COG3: variants seen among roughly 807,000 people sequenced by gnomAD.
COG3 encodes component of oligomeric golgi complex 3.
COG3 carries 32 observed loss-of-function variants against 114.1 expected under a neutral mutation model. The observed-to-expected ratio is 0.28, with a 90% CI of 0.21 to 0.38. The LOEUF (loss-of-function observed/expected upper bound fraction) is 0.38. Among genes scored for constraint, COG3 ranks in the 10% least tolerant of loss-of-function variants. The pLI is 1.00. For synonymous variants in COG3, 352 were observed against 365.7 expected, an observed-to-expected ratio of 0.96 and a Z score of 0.43; for missense variants, 813 against 973.2, an observed-to-expected ratio of 0.84 and a Z score of 2.19.
chr13:45,532,930 A>C (rs1165897073), intron 22 of COG3, among the ~76,000 whole-genome samples: 1 of 151,804 alleles, frequency 6.6e-6, no homozygotes, highest in Non-Finnish European at 1.5e-5. Flanking sequence ...TCATGGGGGA[A>C]GATCTACAAG....
chr13:45,525,115 C>A, intron 20 of COG3, 64 bp downstream of exon 20: 1 of 1,318,652 alleles, frequency 7.6e-7, no homozygotes, highest in South Asian at 1.2e-5. Context: ...TTTATATAGT[C>A]CTTACTGTGA....
intron 2 of COG3, among the ~76,000 whole-genome samples, chr13:45,478,478 CT>C (rs1056369964): frequency 1.4e-3 from 197 of 139,560 alleles, no homozygotes; most frequent in Non-Finnish European, 1.5e-3. Context: ...CGCGCCCAGC[CT>C]TTTTTTTTTT....
chr13:45,533,428 A>G (rs1297563315), intron 22 of COG3, among the ~76,000 whole-genome samples: 1 of 151,734 alleles, frequency 6.6e-6, no homozygotes. Context: ...CATTTTTCTC[A>G]TTTTTTCCCT....
rs1871519359 is a variant in COG3, at chr13:45,516,160, ACTTTT to A, written c.1831_1835del (p.Phe611AsnfsTer2). On this transcript the variant is annotated frameshift_variant, in exon 17 of 23. Coordinates refer to ENST00000349995, the MANE Select transcript of COG3 (RefSeq NM_031431.4). LOFTEE classifies it high-confidence loss of function. ...TAATTTAGACTCAGATTGATGGACA[ACTTTT>A]CTTAATTAAGCACCTTTTGATACTT... 3.2e-6 allele frequency: 5 copies of A among 1,574,378 alleles called. No individual in the cohort carries two copies. The highest frequency in any genetic ancestry group is 4.3e-6 in the Non-Finnish European group (5 of 1,153,136).
intron 8 of COG3, among the ~76,000 whole-genome samples, chr13:45,488,025 CAAT>C (rs1224700847): frequency 6.6e-6 from 1 of 152,082 alleles, no homozygotes. Context: ...TATATATAAA[CAAT>C]AAGATACTAT....
At chr13:45,525,993 A>G (rs1330081206) in intron 20 of COG3, among the ~76,000 whole-genome samples, 3 of 151,106 alleles carry the variant, frequency 2.0e-5, no homozygotes, top group Non-Finnish European at 4.4e-5. Context: ...TTGGTTTTCC[A>G]TATTGAAAGA....
intron 22 of COG3, among the ~76,000 whole-genome samples, chr13:45,533,080 G>C (rs1183001379): frequency 6.6e-6 from 1 of 151,928 alleles, no homozygotes; most frequent in East Asian, 1.9e-4. Flanking sequence ...GAATGTGGCG[G>C]GAGCTCATGG....
At chr13:45,494,366 T>C (rs1381588519) in intron 12 of COG3, among the ~76,000 whole-genome samples, 5 of 151,836 alleles carry the variant, frequency 3.3e-5, no homozygotes, top group Non-Finnish European at 5.9e-5. Flanking sequence ...GTAATTATTC[T>C]ACTCACAGAA....
At chr13:45,499,042 C>A (rs748999231) in intron 13 of COG3, among the ~76,000 whole-genome samples, 3 of 152,060 alleles carry the variant, frequency 2.0e-5, no homozygotes, top group Non-Finnish European at 4.4e-5. Context: ...AAACCAAGAT[C>A]TGAGTATTAG....
chr13:45,496,901 C>T (rs1868858871), intron 13 of COG3, among the ~76,000 whole-genome samples: 1 of 151,596 alleles, frequency 6.6e-6, no homozygotes. Context: ...TCTCAATCCC[C>T]TGACCTCGTG....
chr13:45,500,553 C>G (rs934888451), intron 13 of COG3, among the ~76,000 whole-genome samples: 1 of 152,016 alleles, frequency 6.6e-6, no homozygotes, highest in African/African-American at 2.4e-5. Flanking sequence ...TTAAAGTAGA[C>G]TTTGTATTGT....
intron 13 of COG3, among the ~76,000 whole-genome samples, chr13:45,501,560 T>G (rs1367886998): frequency 6.6e-6 from 1 of 152,214 alleles, no homozygotes; most frequent in Non-Finnish European, 1.5e-5. Context: ...GAACTTCAGG[T>G]GCATCAGTAT....
Position 45,518,697 on chromosome 13 carries a change from A to G in COG3, c.1931-65A>G, listed in dbSNP as rs1436072463. Reference sequence around the variant, plus strand: ...CCTTGTGGTGGTAGAGAACTGGTGTATGTTACTCATGGCTTTGCTGTTGAA... The same window carrying G: ...CCTTGTGGTGGTAGAGAACTGGTGTGTGTTACTCATGGCTTTGCTGTTGAA... On this transcript the variant is annotated intron_variant, in intron 17 of 22. Coordinates refer to ENST00000349995, the MANE Select transcript of COG3 (RefSeq NM_031431.4). 5.8e-6 allele frequency: 7 copies of G among 1,213,048 alleles called. No homozygotes were observed. In the Admixed American group the frequency reaches 9.2e-5, roughly 16 times the overall value. 75.1% of individuals were successfully genotyped at this position (1,213,048 alleles called of 1,614,324 possible).
At chr13:45,478,781 A>C (rs959268754) in intron 2 of COG3, among the ~76,000 whole-genome samples, 1 of 152,126 alleles carries the variant, frequency 6.6e-6, no homozygotes, top group African/African-American at 2.4e-5. Context: ...GAGCCACCAC[A>C]CCCGGTGAAA....
intron 1 of COG3, chr13:45,465,454 G>C: frequency 1.8e-6 from 1 of 569,418 alleles, no homozygotes; most frequent in Non-Finnish European, 2.9e-6. Flanking sequence ...GTGCTCGCCG[G>C]AACCCAGTCC....
chr13:45,482,508 T>C (rs1356374909), intron 6 of COG3, 35 bp downstream of exon 6: 2 of 974,028 alleles, frequency 2.1e-6, no homozygotes, highest in East Asian at 2.5e-5. Context: ...TTTAAAGAAA[T>C]CCTTAGATTC....
chr13:45,470,392 G>A (rs1020482033), intron 1 of COG3, among the ~76,000 whole-genome samples: 6 of 152,162 alleles, frequency 3.9e-5, no homozygotes, highest in Non-Finnish European at 7.3e-5. Context: ...CACTTAAAAG[G>A]ACAGCTCTAT....
rs1007043101 is a variant in COG3 at position 45,508,570 on chromosome 13, G to A, written c.1595-1122G>A. 2.6e-5 allele frequency among the ~76,000 whole-genome samples: 4 copies of A among 151,894 alleles called. No homozygotes were observed. The East Asian group carries it at 5.8e-4, about 22-fold the overall frequency. On this transcript the variant is annotated intron_variant, in intron 14 of 22. Transcript: ENST00000349995. ...TATTTCAGCATCTCCAAAAAATAAC[G>A]ACATCTTTTACTTAACAATAAACCA...
intron 5 of COG3, 62 bp downstream of exon 5, chr13:45,481,366 C>T (rs910176914): frequency 3.5e-5 from 30 of 852,162 alleles, no homozygotes; most frequent in African/African-American, 1.7e-4. Flanking sequence ...TGCCTTTCTT[C>T]GTGTCATCTT....
Sources: gnomAD v4.1 joint callset for allele counts (sites outside exome capture counted in the v4.1 genomes callset) on GRCh38, gnomAD v4.1.1 for gene constraint, MANE v1.5 for transcripts, NCBI Gene and HGNC (gene_info 2026-07-23, HGNC 2026-07-21) for gene names.